Variants in GPC6 observed in about 807,000 individuals in gnomAD.
GPC6 encodes the protein glypican-6.
A neutral mutation model predicts 55.2 loss-of-function variants in GPC6; 14 were observed. The observed-to-expected ratio is 0.25, with a 90% CI of 0.17 to 0.40. GPC6 has a LOEUF of 0.40. Among genes scored for constraint, GPC6 ranks in the 10% least tolerant of loss-of-function variants. The probability of loss-of-function intolerance (pLI) is 1.00; values close to 1 mark genes in which losing one functional copy is unlikely to be tolerated. For missense variants in GPC6, 641 were observed against 708.5 expected, an observed-to-expected ratio of 0.90 and a Z score of 1.08; for synonymous variants, 278 against 259.6, an observed-to-expected ratio of 1.07 and a Z score of -0.68.
intron 3 of GPC6, among the ~76,000 whole-genome samples, chr13:93,990,729 A>G (rs1881261365): frequency 6.6e-6 from 1 of 150,908 alleles, no homozygotes; most frequent in South Asian, 2.1e-4. Flanking sequence ...GCCAAGCATG[A>G]TGGTGCATGC....
intron 6 of GPC6, among the ~76,000 whole-genome samples, chr13:94,344,580 G>C (rs1226112421): frequency 6.6e-6 from 1 of 152,120 alleles, no homozygotes; most frequent in Non-Finnish European, 1.5e-5. Context: ...TTTACTCTTC[G>C]TGACTGGTCA....
intron 2 of GPC6, among the ~76,000 whole-genome samples, chr13:93,810,667 A>G (rs1360551098): frequency 1.3e-5 from 2 of 152,216 alleles, no homozygotes; most frequent in African/African-American, 2.4e-5. Flanking sequence ...TCTTAAAAGT[A>G]AAGAAATTCA....
chr13:94,074,165 A>G (rs9589893), intron 4 of GPC6, among the ~76,000 whole-genome samples: 4,268 of 152,280 alleles, frequency 0.028, 202 homozygotes, highest in African/African-American at 0.098. Context: ...AAAATCTTCA[A>G]TAGCCTCCAT....
rs1263624066 is a variant in GPC6 at position 94,407,117 on chromosome 13, T to C, written c.*3900T>C. 2 of 152,106 alleles carry C rather than the reference T, an allele frequency of 1.3e-5. No individual in the cohort carries two copies. 9.4% of individuals were successfully genotyped at this position (152,106 alleles called of 1,614,324 possible). A position where few individuals can be genotyped will look rare whatever the true frequency, so the allele number is the denominator to read the frequency against. On this transcript the variant is annotated 3_prime_UTR_variant, in exon 9 of 9. Transcript: ENST00000377047. Reference sequence around the variant, plus strand: ...TGGTTTGCTATGGCACAGACTCAGCTTAGCATGGGGACATTTTGAACTTCA... The same window carrying C: ...TGGTTTGCTATGGCACAGACTCAGCCTAGCATGGGGACATTTTGAACTTCA...
chr13:93,371,280 G>C (rs1010478366), intron 1 of GPC6, among the ~76,000 whole-genome samples: 1 of 152,054 alleles, frequency 6.6e-6, no homozygotes, highest in Non-Finnish European at 1.5e-5. Context: ...CATAGAGTGT[G>C]TCACATACAC....
At chr13:93,335,842 T>C (rs933642183) in intron 1 of GPC6, among the ~76,000 whole-genome samples, 1 of 152,218 alleles carries the variant, frequency 6.6e-6, no homozygotes, top group African/African-American at 2.4e-5. Flanking sequence ...TCTACTACTT[T>C]ATATTTGTTC....
At chr13:93,580,609 G>C (rs1876890715) in intron 2 of GPC6, among the ~76,000 whole-genome samples, 1 of 152,086 alleles carries the variant, frequency 6.6e-6, no homozygotes, top group Non-Finnish European at 1.5e-5. Flanking sequence ...CATAAAAATA[G>C]GTGTCTTTAT....
chr13:94,114,067 T>C (rs1349326407), intron 4 of GPC6, among the ~76,000 whole-genome samples: 1 of 52,194 alleles, frequency 1.9e-5, no homozygotes, highest in Non-Finnish European at 3.6e-5. Flanking sequence ...CACCCATTCA[T>C]AGAACTAAGG....
intron 3 of GPC6, among the ~76,000 whole-genome samples, chr13:93,933,716 T>G (rs182581005): frequency 3.2e-4 from 48 of 152,296 alleles, no homozygotes; most frequent in African/African-American, 1.0e-3. Context: ...AGTAATTAAT[T>G]TTGTCTGTGC....
intron 1 of GPC6, among the ~76,000 whole-genome samples, chr13:93,505,431 G>GCA (rs553520936): frequency 0.11 from 12,336 of 109,856 alleles, 654 homozygotes; most frequent in Non-Finnish European, 0.19. Context: ...TCACACACGT[G>GCA]CACACACACA....
At chr13:93,378,476 A>G (rs1446254010) in intron 1 of GPC6, among the ~76,000 whole-genome samples, 1 of 152,154 alleles carries the variant, frequency 6.6e-6, no homozygotes, top group East Asian at 1.9e-4. Flanking sequence ...TTCCTCAGTT[A>G]ATTGCTCCCT....
At chr13:94,003,695 A>G (rs1468362594) in intron 3 of GPC6, among the ~76,000 whole-genome samples, 1 of 152,198 alleles carries the variant, frequency 6.6e-6, no homozygotes, top group Non-Finnish European at 1.5e-5. Flanking sequence ...GGCAAGATGC[A>G]CAGTCCACTT....
chr13:94,118,994 GTA>G (rs906092379), intron 4 of GPC6, among the ~76,000 whole-genome samples: 4 of 19,128 alleles, frequency 2.1e-4, no homozygotes, highest in East Asian at 1.8e-3. Context: ...TATACATTAT[GTA>G]TGTGTGTGTG....
At chr13:93,344,544 A>G (rs1324812527) in intron 1 of GPC6, among the ~76,000 whole-genome samples, 1 of 152,124 alleles carries the variant, frequency 6.6e-6, no homozygotes, top group Non-Finnish European at 1.5e-5. Context: ...TTCCTCCTCT[A>G]TAACCCTGCT....
rs868780151 is a variant in GPC6, at chr13:94,103,197, C to A, written c.877+75303C>A. Reference sequence around the variant, plus strand: ...TGATGGTTTCCAGCTTCATCCATGTCCCTACAAAGGACATGAACTCATCCT... The same window carrying A: ...TGATGGTTTCCAGCTTCATCCATGTACCTACAAAGGACATGAACTCATCCT... On this transcript the variant is annotated intron_variant, in intron 4 of 8. Transcript: ENST00000377047. 3.3e-4 allele frequency among the ~76,000 whole-genome samples: 50 copies of A among 152,278 alleles called. No homozygotes were observed. In the Middle Eastern group the frequency reaches 0.014, roughly 41 times the overall value.
chr13:93,901,778 T>G (rs7995578), intron 3 of GPC6, among the ~76,000 whole-genome samples: 89,847 of 151,188 alleles, frequency 0.59, 27,371 homozygotes, highest in East Asian at 0.8. Flanking sequence ...GTGCGTGCCT[T>G]TAATCCCAGC....
chr13:94,389,033 G>A (rs1323916662), intron 7 of GPC6, among the ~76,000 whole-genome samples: 1 of 152,204 alleles, frequency 6.6e-6, no homozygotes, highest in Non-Finnish European at 1.5e-5. Context: ...TCAGTGACCA[G>A]CAGGAGCAAG....
At chr13:94,088,761 C>T (rs760578936) in intron 4 of GPC6, among the ~76,000 whole-genome samples, 1 of 151,882 alleles carries the variant, frequency 6.6e-6, no homozygotes, top group Non-Finnish European at 1.5e-5. Flanking sequence ...TAGACTCCAA[C>T]AGAGTATAGC....
chr13:93,741,043 G>A (rs1884180811), intron 2 of GPC6, among the ~76,000 whole-genome samples: 1 of 148,574 alleles, frequency 6.7e-6, no homozygotes, highest in Non-Finnish European at 1.5e-5. Context: ...ACCAAATAAT[G>A]TACCTAATAT....
Sources: gnomAD v4.1 joint callset for allele counts (sites outside exome capture counted in the v4.1 genomes callset) on GRCh38, gnomAD v4.1.1 for gene constraint, MANE v1.5 for transcripts, NCBI Gene and HGNC (gene_info 2026-07-23, HGNC 2026-07-21) for gene names.